The following LCOR variants were observed in gnomAD, a reference collection of about 807,000 sequenced individuals.
The protein encoded by LCOR is ligand dependent nuclear receptor corepressor.
Under a neutral mutation model 64.4 loss-of-function variants are expected in LCOR, and 14 were observed. That is an observed-to-expected ratio of 0.22 (90% CI 0.14 to 0.34). The LOEUF (loss-of-function observed/expected upper bound fraction) is 0.34, where lower values mean the gene tolerates loss of function less well. Ranked by LOEUF, LCOR falls within the 10% of genes least tolerant of loss-of-function variation. The pLI is 1.00. For missense variants in LCOR, 1,686 were observed against 1,765.3 expected, an observed-to-expected ratio of 0.96 and a Z score of 0.80; for synonymous variants, 643 against 642.5, an observed-to-expected ratio of 1.00 and a Z score of -0.01.
intron 2 of LCOR, among the ~76,000 whole-genome samples, chr10:96,868,129 C>T (rs1846006424): frequency 6.6e-6 from 1 of 152,080 alleles, no homozygotes; most frequent in Non-Finnish European, 1.5e-5. Flanking sequence ...GGTGATCCAC[C>T]CGCCTCGGCC....
rs1564626062 is a variant in LCOR at position 96,920,472 on chromosome 10, A to ATATATATGTATATTCATATATATGTG, written c.-184+12737_-184+12762dup. ...TATATATGTATATTCATATATGTGT[A>ATATATATGTATATTCATATATATGTG]TATATATGTATATTCATATATATGT... On this transcript the variant is annotated intron_variant, in intron 4 of 7. Coordinates refer to ENST00000421806, the MANE Select transcript of LCOR (RefSeq NM_001346516.2). Among the ~76,000 whole-genome samples the ATATATATGTATATTCATATATATGTG allele has an allele frequency of 5.5e-4, 72 of 131,178 alleles. 1 individual carries two copies. Among genetic ancestry groups the ATATATATGTATATTCATATATATGTG allele is most frequent in the Middle Eastern group, 4.0e-3 (1 of 252 alleles). The allele number at this position is 131,178 out of a possible 152,430, so 86.1% of individuals were successfully genotyped here.
At chr10:96,912,603 CCTTT>C (rs139544329) in intron 4 of LCOR, among the ~76,000 whole-genome samples, 28 of 137,236 alleles carry the variant, frequency 2.0e-4, no homozygotes, top group South Asian at 4.4e-4. Flanking sequence ...TTCCTTTCTT[CCTTT>C]CTTCCTTCCT....
chr10:96,916,370 C>G (rs1208091764), intron 4 of LCOR, among the ~76,000 whole-genome samples: 1 of 151,784 alleles, frequency 6.6e-6, no homozygotes, highest in East Asian at 2.0e-4. Context: ...GATGATAAAT[C>G]TAGTTGTTAC....
Position 96,982,095 on chromosome 10 carries a change from C to T in LCOR, c.1635C>T (p.Thr545=), listed in dbSNP as rs759974743. Residue 545 remains threonine (T), a synonymous_variant, in exon 8 of 8, where the codon ACC becomes ACT. Coordinates refer to ENST00000421806, the MANE Select transcript of LCOR (RefSeq NM_001346516.2). ...ASEAVFTPKQ[T]LTIPAPRHTV... Reference sequence around the variant, plus strand: ...AGGCAGTTTTCACTCCTAAGCAGACCCTTACAATTCCAGCCCCTAGACATA... The same window carrying T: ...AGGCAGTTTTCACTCCTAAGCAGACTCTTACAATTCCAGCCCCTAGACATA... 49 of 1,614,020 alleles carry T rather than the reference C, an allele frequency of 3.0e-5. 1 individual carries two copies. The highest frequency in any genetic ancestry group is 1.2e-4 in the Admixed American group (7 of 60,006).
chr10:96,981,858 T>C lies in LCOR; in HGVS notation c.1398T>C (p.Tyr466=), dbSNP rs761473563. 1.5e-5 allele frequency: 25 copies of C among 1,614,106 alleles called. 1 individual carries two copies. Among genetic ancestry groups the C allele is most frequent in the Non-Finnish European group, 2.0e-5 (24 of 1,180,038 alleles). ...KRASGLRIND[Y]DNQCDVVYIS... ...CATCAGGGCTGAGGATAAATGATTATGATAACCAGTGTGATGTTGTTTATA... is the reference window on the plus strand; with the variant it reads ...CATCAGGGCTGAGGATAAATGATTACGATAACCAGTGTGATGTTGTTTATA... Residue 466 remains tyrosine (Y), a synonymous_variant, in exon 8 of 8, where the codon TAT becomes TAC. Coordinates refer to ENST00000421806, the MANE Select transcript of LCOR (RefSeq NM_001346516.2).
intron 4 of LCOR, among the ~76,000 whole-genome samples, chr10:96,926,420 A>G (rs541157741): frequency 5.3e-5 from 8 of 152,302 alleles, no homozygotes; most frequent in Admixed American, 2.0e-4. Flanking sequence ...ATAATCACAT[A>G]TCTTTGTGAC....
chr10:96,982,318 C>T lies in LCOR; in HGVS notation c.1858C>T (p.Leu620Phe), dbSNP rs145797043. ...GACAGCCTCCAGCCTGGTGTGGCCT[C>T]TCCCTGCTCACCTTCCTGAAGAGGA... is the stretch of plus-strand genomic sequence containing the variant. The part of the protein sequence containing the change: ...ETTASSLVWP[L>F]PAHLPEEDLP... The change falls in exon 8 of 8, where the codon CTC (leucine) becomes TTC (phenylalanine). Residue 620 changes from leucine (L) to phenylalanine (F), a missense_variant. Leu to Phe is a conservative substitution (Grantham distance 22, BLOSUM62 0). Around this residue, in one of 3 missense-constraint regions of LCOR, gnomAD observed 1,293 missense variants for 1,410.4 expected, o/e 0.92. Coordinates refer to ENST00000421806, the MANE Select transcript of LCOR (RefSeq NM_001346516.2). The T allele has an allele frequency of 1.9e-6, 3 of 1,614,116 alleles. No individual in the cohort carries two copies. Among genetic ancestry groups the T allele is most frequent in the African/African-American group, 2.7e-5 (2 of 74,936 alleles).
intron 2 of LCOR, among the ~76,000 whole-genome samples, chr10:96,887,555 T>G (rs1269119085): frequency 6.7e-6 from 1 of 149,398 alleles, no homozygotes; most frequent in Non-Finnish European, 1.5e-5. Context: ...AGAGTGAGAC[T>G]CCGTCTCAAA....
rs1462276903 is a variant in LCOR at position 96,970,010 on chromosome 10, C to T, written c.333-10783C>T. 5.5e-5 allele frequency among the ~76,000 whole-genome samples: 7 copies of T among 127,616 alleles called. No individual in the cohort carries two copies. In the South Asian group the frequency reaches 1.6e-3, roughly 29 times the overall value. 83.7% of individuals were successfully genotyped at this position (127,616 alleles called of 152,430 possible). A position where few individuals can be genotyped will look rare whatever the true frequency, so the allele number is the denominator to read the frequency against. The stretch of plus-strand genomic sequence containing the variant: ...GTTTCACCATGTTGGCCAGGATGGT[C>T]TCGATCTCCTGACCTCATGATCCGC... On this transcript the variant is annotated intron_variant, in intron 7 of 7. Coordinates refer to ENST00000421806, the MANE Select transcript of LCOR (RefSeq NM_001346516.2).
intron 2 of LCOR, among the ~76,000 whole-genome samples, chr10:96,886,414 T>C (rs1489792370): frequency 1.3e-5 from 2 of 152,226 alleles, no homozygotes. Context: ...ATGACCGTGC[T>C]AAAAAAGTTT....
rs778501806 is a variant in LCOR at position 96,984,185 on chromosome 10, T to A, written c.3725T>A (p.Phe1242Tyr). ...CGCTTGAAAAAGCACTTGAAGAAAT[T>A]TCCTGGAGCTACCCCTGCTAAGAAT... is the stretch of plus-strand genomic sequence containing the variant. ...AERLKKHLKK[F>Y]PGATPAKNNW... Residue 1242 changes from phenylalanine (F) to tyrosine (Y), a missense_variant, in exon 8 of 8, where the codon TTT becomes TAT. Around this residue, in one of 3 missense-constraint regions of LCOR, gnomAD observed 1,293 missense variants for 1,410.4 expected, o/e 0.92. Coordinates refer to ENST00000421806, the MANE Select transcript of LCOR (RefSeq NM_001346516.2). The A allele has an allele frequency of 9.4e-5, 152 of 1,613,966 alleles. No individual in the cohort carries two copies. Among genetic ancestry groups the A allele is most frequent in the Non-Finnish European group, 1.2e-4 (145 of 1,180,010 alleles).
At chr10:96,969,774 C>CTTTTTT (rs58881683) in intron 7 of LCOR, among the ~76,000 whole-genome samples, 35 of 124,106 alleles carry the variant, frequency 2.8e-4, no homozygotes, top group African/African-American at 3.1e-4. Flanking sequence ...TTTTTTTTTT[C>CTTTTTT]TTTTTTTTTT....
At chr10:96,920,746 A>ATG (rs879813159) in intron 4 of LCOR, among the ~76,000 whole-genome samples, 20,051 of 125,428 alleles carry the variant, frequency 0.16, 2,552 homozygotes, top group African/African-American at 0.29. Flanking sequence ...ATGTGTATAT[A>ATG]TGTATACACA....
chr10:96,982,644 C>T lies in LCOR; in HGVS notation c.2184C>T (p.Ser728=), dbSNP rs1848102459. The stretch of plus-strand genomic sequence containing the variant: ...TGGGAAAGGCTGAGGACAACCAAAG[C>T]ATCAGTGCTGAGGTTGAGTCTGGAG... The part of the protein sequence containing the change: ...MSLGKAEDNQ[S]ISAEVESGDT... Residue 728 remains serine, a synonymous_variant, in exon 8 of 8, where the codon AGC becomes AGT. Transcript: ENST00000421806. 5.0e-6 allele frequency: 8 copies of T among 1,614,056 alleles called. No individual in the cohort carries two copies. The highest frequency in any genetic ancestry group is 6.8e-6 in the Non-Finnish European group (8 of 1,180,048).
intron 2 of LCOR, among the ~76,000 whole-genome samples, chr10:96,840,804 T>A (rs1845526836): frequency 6.6e-6 from 1 of 152,246 alleles, no homozygotes; most frequent in Non-Finnish European, 1.5e-5. Context: ...ACAATACCAT[T>A]TGAAGTAAAG....
chr10:96,912,551 A>T (rs990842876), intron 4 of LCOR, among the ~76,000 whole-genome samples: 1 of 152,040 alleles, frequency 6.6e-6, no homozygotes, highest in Admixed American at 6.6e-5. Context: ...GTTTACTTTG[A>T]TCACTTAGTT....
At chr10:96,901,190 A>G (rs1382120955) in intron 2 of LCOR, among the ~76,000 whole-genome samples, 3 of 151,972 alleles carry the variant, frequency 2.0e-5, no homozygotes, top group African/African-American at 7.3e-5. Flanking sequence ...GTCTCAAAAA[A>G]AAAATAATAA....
chr10:96,931,256 T>C (rs373753146), intron 4 of LCOR, among the ~76,000 whole-genome samples: 1 of 150,088 alleles, frequency 6.7e-6, no homozygotes. Flanking sequence ...TTCTTTGAGA[T>C]GGAGTCTTGC....
intron 4 of LCOR, 28 bp from the exon 5 acceptor site, chr10:96,944,085 G>A (rs1046469813): frequency 6.1e-6 from 6 of 985,298 alleles, no homozygotes; most frequent in Non-Finnish European, 7.2e-6. Flanking sequence ...AGACGTGTGT[G>A]CAACTATTTC....
Sources: gnomAD v4.1 joint callset for allele counts (sites outside exome capture counted in the v4.1 genomes callset) on GRCh38, gnomAD v4.1.1 for gene constraint, gnomAD v4.1.1 regional missense constraint, MANE v1.5 for transcripts, NCBI Gene and HGNC (gene_info 2026-07-23, HGNC 2026-07-21) for gene names.